SPDYE4: variants seen among roughly 807,000 people sequenced by gnomAD.
SPDYE4 encodes the protein speedy protein E4.
In SPDYE4, 30 loss-of-function variants were observed where a neutral mutation model predicts 37.5. The observed-to-expected ratio is 0.80, with a 90% CI of 0.60 to 1.09. The LOEUF (loss-of-function observed/expected upper bound fraction) is 1.09. Ranked by LOEUF, SPDYE4 falls within the 50% of genes least tolerant of loss-of-function variation. The pLI, the probability that SPDYE4 is intolerant of heterozygous loss-of-function variation, is 0.00. For missense variants in SPDYE4, 300 were observed against 307.9 expected, an observed-to-expected ratio of 0.97 and a Z score of 0.19; for synonymous variants, 131 against 120.3, an observed-to-expected ratio of 1.09 and a Z score of -0.58.
chr17:8,755,675 A>T lies in SPDYE4; in HGVS notation c.400-70T>A, dbSNP rs554566836. 7 of 1,557,786 alleles carry T rather than the reference A, an allele frequency of 4.5e-6. No homozygotes were observed. In the South Asian group the frequency reaches 7.8e-5, roughly 17 times the overall value. ...CCTGGAAGAGGAAGATGGTGGAGAG[A>T]AGGGAACAGGGGCTGGGGCGCGGTT... On this transcript the variant is annotated intron_variant, in intron 3 of 6. Transcript: ENST00000689094.
downstream of SPDYE4, among the ~76,000 whole-genome samples, chr17:8,749,515 C>T (rs2086713047): frequency 6.6e-6 from 1 of 152,104 alleles, no homozygotes; most frequent in Non-Finnish European, 1.5e-5. Flanking sequence ...ATCTGCCCAC[C>T]TCGGCCTCCC....
chr17:8,757,558 A>G, intron 1 of SPDYE4, 66 bp from the exon 2 acceptor site: 1 of 1,505,434 alleles, frequency 6.6e-7, no homozygotes, highest in Non-Finnish European at 9.0e-7. Context: ...GCCCCGACCC[A>G]GGAACCTCAA....
chr17:8,754,992 G>C (rs2086759881), intron 4 of SPDYE4, among the ~76,000 whole-genome samples: 1 of 152,234 alleles, frequency 6.6e-6, no homozygotes, highest in South Asian at 2.1e-4. Context: ...AATCAGCTAA[G>C]GAGGTTGTTC....
chr17:8,756,519 C>G, intron 2 of SPDYE4, 83 bp from the exon 3 acceptor site: 2 of 1,339,732 alleles, frequency 1.5e-6, no homozygotes, highest in African/African-American at 1.4e-5. Flanking sequence ...GAACTGTGTC[C>G]CTCTGGGGGA....
At chr17:8,758,230 C>A in intron 1 of SPDYE4, 44 bp downstream of exon 1, 2 of 1,449,972 alleles carry the variant, frequency 1.4e-6, no homozygotes, top group Non-Finnish European at 1.9e-6. Flanking sequence ...CTTCCCTCTC[C>A]TCAGTCAATC....
intron 4 of SPDYE4, among the ~76,000 whole-genome samples, chr17:8,754,396 A>G (rs997499719): frequency 1.3e-5 from 2 of 152,108 alleles, no homozygotes; most frequent in African/African-American, 4.8e-5. Context: ...TGACATAGCA[A>G]AACGTCATCT....
In SPDYE4 at chr17:8,756,453, T is replaced by A. The variant is rs1318379065; in HGVS notation, c.341-17A>T. On this transcript the variant is annotated splice_polypyrimidine_tract_variant and intron_variant, in intron 2 of 6. Coordinates refer to ENST00000689094, the MANE Select transcript of SPDYE4 (RefSeq NM_001394956.1). ...CAGGATCCCCTGTGAAAAGAGAGCC[T>A]GTGTCAGGGTGAGAAGTGGAACAGG... The A allele has an allele frequency of 6.2e-7, 1 of 1,613,224 alleles. No individual in the cohort carries two copies. The highest frequency in any genetic ancestry group is 2.2e-5 in the East Asian group (1 of 44,872).
chr17:8,750,476 C>A (rs967420714), downstream of SPDYE4, among the ~76,000 whole-genome samples: 1 of 152,140 alleles, frequency 6.6e-6, no homozygotes, highest in Admixed American at 6.5e-5. Flanking sequence ...TTTGGGAGGC[C>A]GAGGCGGATG....
At chr17:8,758,009 C>A (rs1334262016) in intron 1 of SPDYE4, among the ~76,000 whole-genome samples, 5 of 152,112 alleles carry the variant, frequency 3.3e-5, no homozygotes, top group Non-Finnish European at 2.9e-5. Flanking sequence ...TCTCGATCTT[C>A]TGACCTCGTG....
intron 5 of SPDYE4, 40 bp downstream of exon 5, chr17:8,753,281 A>AC: frequency 1.3e-5 from 5 of 388,114 alleles, no homozygotes; most frequent in Non-Finnish European, 1.5e-5. Context: ...AGTCCACCCC[A>AC]TCCCTCCCCA....
In SPDYE4 at chr17:8,758,299, C is replaced by T; in HGVS notation, c.84G>A (p.Val28=). The change falls in exon 1 of 7, where the codon GTG becomes GTA. Residue 28 remains valine (V), a synonymous_variant. Coordinates refer to ENST00000689094, the MANE Select transcript of SPDYE4 (RefSeq NM_001394956.1). ...CTGATGGTCCTGGCACTTCATCATCCACCACCACCTCGGGGGACCGTACCG... is the reference window on the plus strand; with the variant it reads ...CTGATGGTCCTGGCACTTCATCATCTACCACCACCTCGGGGGACCGTACCG... ...STTVRSPEVV[V]DDEVPGPSAP... 6.5e-7 allele frequency: 1 copy of T among 1,548,414 alleles called. No individual in the cohort carries two copies. The highest frequency in any genetic ancestry group is 8.7e-7 in the Non-Finnish European group (1 of 1,145,544).
At position 8,758,442 on chromosome 17, in the gene SPDYE4, C is replaced by T. The variant is rs1027406255; in HGVS notation, c.-60G>A. 90 of 1,475,244 alleles carry T rather than the reference C, an allele frequency of 6.1e-5. No homozygotes were observed. The highest frequency in any genetic ancestry group is 2.6e-4 in the Admixed American group (13 of 50,840). The allele number at this position is 1,475,244 out of a possible 1,614,324, so 91.4% of individuals were successfully genotyped here. The stretch of plus-strand genomic sequence containing the variant: ...ACCTAGTCCCTGTTCTGTCCAAAGC[C>T]TTCTTCCAGACTCCGTTAGGACCCA... On this transcript the variant is annotated 5_prime_UTR_variant, in exon 1 of 7. Transcript: ENST00000689094.
At position 8,756,316 on chromosome 17, in the gene SPDYE4, CT is replaced by C. The variant is rs1480671955; in HGVS notation, c.399+61del. On this transcript the variant is annotated intron_variant, in intron 3 of 6. Transcript: ENST00000689094. ...AGGAGAGAAACTGTGGGTTTAGACG[CT>C]GCACCCTTCCCCAGGACGTGTGTTA... The C allele has an allele frequency of 1.4e-5, 21 of 1,530,090 alleles. No homozygotes were observed. The South Asian group carries it at 2.3e-4, about 17-fold the overall frequency. The allele number at this position is 1,530,090 out of a possible 1,614,324, so 94.8% of individuals were successfully genotyped here. A position where few individuals can be genotyped will look rare whatever the true frequency, so the allele number is the denominator to read the frequency against.
intron 3 of SPDYE4, 110 bp downstream of exon 3, chr17:8,756,268 G>C: frequency 1.0e-6 from 1 of 988,486 alleles, no homozygotes; most frequent in Non-Finnish European, 1.5e-6. Context: ...GGAATCAGCA[G>C]GTGGGAGATG....
chr17:8,754,516 G>A (rs888714371), intron 4 of SPDYE4, among the ~76,000 whole-genome samples: 9 of 152,096 alleles, frequency 5.9e-5, no homozygotes, highest in South Asian at 2.1e-4. Flanking sequence ...TGGAGGCTGC[G>A]GTGAGCTATG....
At chr17:8,757,211 C>T (rs899318332) in intron 2 of SPDYE4, 51 bp downstream of exon 2, 15 of 1,516,012 alleles carry the variant, frequency 9.9e-6, no homozygotes, top group Non-Finnish European at 1.3e-5. Flanking sequence ...TGAAAGATTC[C>T]ACTTTTTTAA....
At chr17:8,756,816 C>G (rs1176373775) in intron 2 of SPDYE4, among the ~76,000 whole-genome samples, 1 of 152,196 alleles carries the variant, frequency 6.6e-6, no homozygotes, top group Non-Finnish European at 1.5e-5. Context: ...GATGGAGACA[C>G]TTAGGTTTAG....
intron 5 of SPDYE4, 40 bp downstream of exon 5, chr17:8,753,281 A>AG: frequency 2.6e-6 from 1 of 388,130 alleles, no homozygotes; most frequent in Non-Finnish European, 3.7e-6. Flanking sequence ...AGTCCACCCC[A>AG]TCCCTCCCCA....
At chr17:8,755,682 C>G in intron 3 of SPDYE4, 77 bp from the exon 4 acceptor site, 17 of 1,538,668 alleles carry the variant, frequency 1.1e-5, no homozygotes, top group Non-Finnish European at 1.5e-5. Flanking sequence ...GAGAAGGGAA[C>G]AGGGGCTGGG....
Sources: allele counts gnomAD v4.1 joint callset (sites outside exome capture counted in the v4.1 genomes callset), GRCh38; gene constraint gnomAD v4.1.1; transcripts MANE v1.5; gene names NCBI Gene and HGNC (gene_info 2026-07-23, HGNC 2026-07-21).